Variants in DHX35 observed in about 807,000 individuals in gnomAD.
DHX35 encodes probable ATP-dependent RNA helicase DHX35.
A neutral mutation model predicts 99.6 loss-of-function variants in DHX35; 84 were observed. That is an observed-to-expected ratio of 0.84 (90% CI 0.71 to 1.01). The LOEUF is 1.01. DHX35 is among the 50% of genes least tolerant of loss of function. DHX35 has a pLI of 0.00. For synonymous variants in DHX35, 331 were observed against 316.2 expected (o/e 1.05, Z -0.50); for missense variants, 852 against 888.5 (o/e 0.96, Z 0.52).
chr20:39,014,377 G>A (rs1355407931), intron 13 of DHX35, among the ~76,000 whole-genome samples: 1 of 152,094 alleles, frequency 6.6e-6, no homozygotes, highest in East Asian at 1.9e-4. Flanking sequence ...ATTCAGATTC[G>A]ACATATGTTG....
chr20:39,003,283 C>T (rs1395346135), intron 10 of DHX35, among the ~76,000 whole-genome samples: 1 of 152,112 alleles, frequency 6.6e-6, no homozygotes, highest in Non-Finnish European at 1.5e-5. Flanking sequence ...ACTGAACAGA[C>T]CCAAGTGCTC....
At position 38,969,098 on chromosome 20, in the gene DHX35, G is replaced by A. The variant is rs761262760; in HGVS notation, c.58G>A (p.Val20Ile). 10 of 1,612,442 alleles carry A rather than the reference G, an allele frequency of 6.2e-6. No individual in the cohort carries two copies. Among genetic ancestry groups the A allele is most frequent in the Non-Finnish European group, 6.8e-6 (8 of 1,178,810 alleles). Reference sequence around the variant, plus strand: ...TGCTGCAGGTACAGAGGGGCCAGGTGTAAGCATCTCTGAAGAGAGACAAAG... The same window carrying A: ...TGCTGCAGGTACAGAGGGGCCAGGTATAAGCATCTCTGAAGAGAGACAAAG... The part of the protein sequence containing the change: ...FWRPGTEGPG[V>I]SISEERQSLA... The change falls in exon 2 of 22, where the codon GTA (valine) becomes ATA (isoleucine). Residue 20 changes from valine to isoleucine, a missense_variant. Val to Ile is a conservative substitution (Grantham distance 29). Transcript: ENST00000252011.
intron 1 of DHX35, among the ~76,000 whole-genome samples, chr20:38,967,975 CT>C (rs2085934270): frequency 6.6e-6 from 1 of 152,158 alleles, no homozygotes; most frequent in Non-Finnish European, 1.5e-5. Context: ...CCCAGTCCCC[CT>C]TACGTTGTCT....
At position 38,998,709 on chromosome 20, in the gene DHX35, TTTAC is replaced by T. The variant is rs1388196571; in HGVS notation, c.643-3018_643-3015del. Among the ~76,000 whole-genome samples, 8 of 152,356 alleles carry T rather than the reference TTTAC, an allele frequency of 5.3e-5. 1 individual carries two copies. The highest frequency in any genetic ancestry group is 4.6e-4 in the Admixed American group (7 of 15,308). ...TCTTGCATTGTTGGTACTATATTTATTTACTTTTTTATGTATTTTGTATTTCCAA... is the reference window on the plus strand; with the variant it reads ...TCTTGCATTGTTGGTACTATATTTATTTTTTTATGTATTTTGTATTTCCAA... On this transcript the variant is annotated intron_variant, in intron 8 of 21. Coordinates refer to ENST00000252011, the MANE Select transcript of DHX35 (RefSeq NM_021931.4).
At chr20:38,999,696 C>G (rs995509281) in intron 8 of DHX35, among the ~76,000 whole-genome samples, 2 of 152,222 alleles carry the variant, frequency 1.3e-5, no homozygotes, top group African/African-American at 4.8e-5. Flanking sequence ...CCCAGGTTCA[C>G]ACTTTGTCTC....
At chr20:39,001,652 A>G in intron 8 of DHX35, 78 bp from the exon 9 acceptor site, 3 of 1,137,292 alleles carry the variant, frequency 2.6e-6, no homozygotes, top group Admixed American at 2.1e-5. Flanking sequence ...GGCAAGTTTT[A>G]TATTATTTTT....
At position 38,977,355 on chromosome 20, in the gene DHX35, G is replaced by C. The variant is rs111226795; in HGVS notation, c.267+4704G>C. Among the ~76,000 whole-genome samples the C allele has an allele frequency of 1.0e-3, 154 of 152,100 alleles. 2 individuals are homozygous for C. Among genetic ancestry groups the C allele is most frequent in the African/African-American group, 3.6e-3 (150 of 41,462 alleles). ...TTTTCCTGATGATTAGTGATGTTGA[G>C]CATTATTTCGTATATATGAAATAAT... On this transcript the variant is annotated intron_variant, in intron 3 of 21. Coordinates refer to ENST00000252011, the MANE Select transcript of DHX35 (RefSeq NM_021931.4).
At chr20:39,030,605 A>T in intron 19 of DHX35, 99 bp from the exon 20 acceptor site, 1 of 1,120,580 alleles carries the variant, frequency 8.9e-7, no homozygotes. Context: ...TGACGAGTTC[A>T]GTCTGCATGC....
chr20:39,021,731 A>G (rs546213508), intron 15 of DHX35, 110 bp from the exon 16 acceptor site: 483 of 1,101,338 alleles, frequency 4.4e-4, no homozygotes, highest in Non-Finnish European at 6.4e-4. Context: ...AGCTCTAGAA[A>G]AAATATGATC....
chr20:38,963,873 G>A (rs541386833), intron 1 of DHX35, among the ~76,000 whole-genome samples: 149 of 152,304 alleles, frequency 9.8e-4, no homozygotes, highest in African/African-American at 3.5e-3. Flanking sequence ...ACAGAGTAAG[G>A]TGGTGGTAAA....
At chr20:39,020,622 A>G (rs2086858304) in intron 15 of DHX35, among the ~76,000 whole-genome samples, 1 of 147,760 alleles carries the variant, frequency 6.8e-6, no homozygotes, top group Non-Finnish European at 1.5e-5. Context: ...TGGAACAACC[A>G]CTTGTTCTCA....
At chr20:39,000,515 T>C (rs2086501602) in intron 8 of DHX35, among the ~76,000 whole-genome samples, 1 of 152,206 alleles carries the variant, frequency 6.6e-6, no homozygotes, top group African/African-American at 2.4e-5. Flanking sequence ...TAGCAAAACA[T>C]AGTTTTGTTG....
chr20:39,034,367 A>C, intron 21 of DHX35, 50 bp downstream of exon 21: 4 of 1,436,656 alleles, frequency 2.8e-6, no homozygotes, highest in Non-Finnish European at 2.9e-6. Context: ...CAGCCTCTCC[A>C]TGTTTTTAAA....
intron 20 of DHX35, 83 bp from the exon 21 acceptor site, chr20:39,034,123 T>TA: frequency 9.9e-7 from 1 of 1,012,584 alleles, no homozygotes; most frequent in East Asian, 2.4e-5. Flanking sequence ...TGTTAAAGGT[T>TA]AAAGGAAACA....
chr20:39,039,538 G>C lies in DHX35; in HGVS notation c.*995G>C, dbSNP rs983083271. The C allele has an allele frequency of 6.6e-6, 1 of 152,178 alleles. No homozygotes were observed. Among genetic ancestry groups the C allele is most frequent in the Admixed American group, 6.5e-5 (1 of 15,294 alleles). The allele number at this position is 152,178 out of a possible 1,614,324, so 9.4% of individuals were successfully genotyped here. A position where few individuals can be genotyped will look rare whatever the true frequency, so the allele number is the denominator to read the frequency against. On this transcript the variant is annotated 3_prime_UTR_variant, in exon 22 of 22. Coordinates refer to ENST00000252011, the MANE Select transcript of DHX35 (RefSeq NM_021931.4). ...ATTTTTTCCCCCTTACTGTTTCAAT[G>C]ACCTTTATTTTAAAAACACATAGCT... is the stretch of plus-strand genomic sequence containing the variant.
At chr20:38,968,997 C>G (rs1402467154) in intron 1 of DHX35, 84 bp from the exon 2 acceptor site, 10 of 1,403,336 alleles carry the variant, frequency 7.1e-6, no homozygotes, top group Non-Finnish European at 9.5e-6. Flanking sequence ...TTCTGTATAT[C>G]TTCATCTTTG....
intron 1 of DHX35, among the ~76,000 whole-genome samples, chr20:38,966,952 T>C (rs946039336): frequency 1.2e-4 from 18 of 152,342 alleles, no homozygotes; most frequent in African/African-American, 3.8e-4. Context: ...TTCCAGGTCC[T>C]GTTCCATCTT....
At chr20:38,972,004 GTTTTTTTTTTTTT>G (rs752049458) in intron 2 of DHX35, among the ~76,000 whole-genome samples, 1 of 81,046 alleles carries the variant, frequency 1.2e-5, no homozygotes, top group Admixed American at 1.6e-4. Context: ...GTTTTGTTTT[GTTTTTTTTTTTTT>G]TTTTTTTTTG....
intron 18 of DHX35, among the ~76,000 whole-genome samples, chr20:39,025,885 A>C (rs2086948843): frequency 6.6e-6 from 1 of 152,220 alleles, no homozygotes; most frequent in African/African-American, 2.4e-5. Context: ...ACGCTGTGGC[A>C]GGGGTTCTCC....
Sources: allele counts gnomAD v4.1 joint callset (sites outside exome capture counted in the v4.1 genomes callset), GRCh38; gene constraint gnomAD v4.1.1; transcripts MANE v1.5; gene names NCBI Gene and HGNC (gene_info 2026-07-23, HGNC 2026-07-21).